Variants in PTPRE observed in about 807,000 individuals in gnomAD.
PTPRE encodes the protein receptor-type tyrosine-protein phosphatase epsilon.
Under a neutral mutation model 102.0 loss-of-function variants are expected in PTPRE, and 51 were observed. The observed-to-expected ratio is 0.50, with a 90% confidence interval of 0.40 to 0.63. The LOEUF (loss-of-function observed/expected upper bound fraction) is 0.63. Among genes scored for constraint, PTPRE ranks in the 30% least tolerant of loss-of-function variants. The pLI, the probability that PTPRE is intolerant of heterozygous loss-of-function variation, is 0.00. For synonymous variants in PTPRE, 345 were observed against 348.2 expected (o/e 0.99, Z 0.10); for missense variants, 752 against 915.1 (o/e 0.82, Z 2.30).
At chr10:127,999,805 G>A (rs1305354727) in intron 2 of PTPRE, 1 of 985,440 alleles carries the variant, frequency 1.0e-6, no homozygotes, top group African/African-American at 1.7e-5. Context: ...GCCTCAGAAG[G>A]AAAATTACAA....
intron 6 of PTPRE, among the ~76,000 whole-genome samples, chr10:128,050,663 T>C (rs1179185218): frequency 6.6e-6 from 1 of 152,256 alleles, no homozygotes; most frequent in Non-Finnish European, 1.5e-5. Flanking sequence ...TGCTAACTGG[T>C]CCTGGCTATG....
At chr10:128,034,322 A>ACCCCCCC (rs1215235204) in intron 2 of PTPRE, among the ~76,000 whole-genome samples, 1 of 144,550 alleles carries the variant, frequency 6.9e-6, no homozygotes, top group African/African-American at 2.6e-5. Flanking sequence ...TCCCCTCCAC[A>ACCCCCCC]CCACCCCCCC....
intron 1 of PTPRE, among the ~76,000 whole-genome samples, chr10:127,911,859 C>A (rs1014237015): frequency 1.6e-4 from 24 of 152,038 alleles, no homozygotes; most frequent in African/African-American, 5.8e-4. Flanking sequence ...GGATTAACTT[C>A]TCATTATTTT....
At chr10:127,986,355 A>G (rs916109471) in intron 2 of PTPRE, among the ~76,000 whole-genome samples, 12 of 152,222 alleles carry the variant, frequency 7.9e-5, no homozygotes, top group African/African-American at 2.9e-4. Flanking sequence ...CAGAATTAAG[A>G]ATTTATAAAA....
chr10:128,075,925 C>T (rs58134128), intron 17 of PTPRE, among the ~76,000 whole-genome samples: 37,338 of 151,990 alleles, frequency 0.25, 4,889 homozygotes, highest in East Asian at 0.4. Flanking sequence ...GAGCTCTTTA[C>T]GTAATCTTGA....
intron 2 of PTPRE, among the ~76,000 whole-genome samples, chr10:127,988,101 G>C (rs897011381): frequency 5.3e-5 from 8 of 152,224 alleles, no homozygotes; most frequent in Admixed American, 3.3e-4. Context: ...GAGTTACAGA[G>C]AGATTTCTCA....
intron 2 of PTPRE, among the ~76,000 whole-genome samples, chr10:128,011,402 G>C (rs1844994188): frequency 6.6e-6 from 1 of 152,240 alleles, no homozygotes; most frequent in African/African-American, 2.4e-5. Flanking sequence ...GATACTGGTT[G>C]AGGTGACTGG....
At chr10:128,054,890 C>G (rs907638584) in intron 6 of PTPRE, among the ~76,000 whole-genome samples, 3 of 152,130 alleles carry the variant, frequency 2.0e-5, no homozygotes, top group African/African-American at 7.2e-5. Flanking sequence ...CGGGACCCCT[C>G]ACATTCTCCT....
At chr10:128,048,313 G>T (rs1372225006) in intron 5 of PTPRE, among the ~76,000 whole-genome samples, 3 of 152,110 alleles carry the variant, frequency 2.0e-5, no homozygotes, top group African/African-American at 7.2e-5. Flanking sequence ...GTACAGTTTC[G>T]AACTTGTTGT....
chr10:127,952,255 A>C (rs182005015), intron 1 of PTPRE, among the ~76,000 whole-genome samples: 4 of 152,212 alleles, frequency 2.6e-5, no homozygotes, highest in Admixed American at 6.5e-5. Flanking sequence ...AAATCAGCTT[A>C]GGTCAGCAAA....
chr10:127,913,671 G>T (rs1213036419), intron 1 of PTPRE, among the ~76,000 whole-genome samples: 1 of 152,156 alleles, frequency 6.6e-6, no homozygotes, highest in African/African-American at 2.4e-5. Flanking sequence ...GCGCTCTGAG[G>T]GTCGGGAACG....
At chr10:127,913,868 A>G (rs1846031264) in intron 1 of PTPRE, among the ~76,000 whole-genome samples, 1 of 152,074 alleles carries the variant, frequency 6.6e-6, no homozygotes, top group African/African-American at 2.4e-5. Flanking sequence ...CCCCCACCTC[A>G]TCCACCAGCC....
intron 7 of PTPRE, among the ~76,000 whole-genome samples, chr10:128,060,108 CAT>C (rs1849423569): frequency 6.7e-6 from 1 of 149,240 alleles, no homozygotes; most frequent in Non-Finnish European, 1.5e-5. Context: ...ACACACTACA[CAT>C]ACACACCAAA....
At chr10:127,997,217 G>T (rs1189790310) in intron 2 of PTPRE, among the ~76,000 whole-genome samples, 1 of 152,250 alleles carries the variant, frequency 6.6e-6, no homozygotes, top group South Asian at 2.1e-4. Context: ...ATCAAACCCA[G>T]CTCTTAAGAG....
Position 128,063,204 on chromosome 10 carries a change from G to A in PTPRE, c.723+24G>A, listed in dbSNP as rs117560118. 7,855 of 1,612,798 alleles carry A rather than the reference G, an allele frequency of 4.9e-3. 80 individuals are homozygous for A. Among genetic ancestry groups the A allele is most frequent in the Middle Eastern group, 0.03 (183 of 6,046 alleles). On this transcript the variant is annotated intron_variant, in intron 10 of 20. Transcript: ENST00000254667. Reference sequence around the variant, plus strand: ...AGGTGAGTTCCAGGCATCTGGCCCCGGTATCACTTCCTTTCAGCTGCTGCT... The same window carrying A: ...AGGTGAGTTCCAGGCATCTGGCCCCAGTATCACTTCCTTTCAGCTGCTGCT...
intron 1 of PTPRE, among the ~76,000 whole-genome samples, chr10:127,930,985 G>T (rs946639697): frequency 6.6e-6 from 1 of 151,976 alleles, no homozygotes; most frequent in Non-Finnish European, 1.5e-5. Context: ...TAGGGACGGG[G>T]TTTCGCCATG....
chr10:128,063,878 G>T (rs1374726448), intron 10 of PTPRE, among the ~76,000 whole-genome samples: 1 of 152,166 alleles, frequency 6.6e-6, no homozygotes, highest in Non-Finnish European at 1.5e-5. Flanking sequence ...CATGCCATAG[G>T]CAGTGAGCTC....
At chr10:128,079,294 G>A (rs573183892) in intron 19 of PTPRE, among the ~76,000 whole-genome samples, 1 of 152,130 alleles carries the variant, frequency 6.6e-6, no homozygotes. Context: ...GGTGATACTT[G>A]CTTAAAAACT....
At chr10:127,925,623 G>T (rs1846946811) in intron 1 of PTPRE, among the ~76,000 whole-genome samples, 1 of 152,192 alleles carries the variant, frequency 6.6e-6, no homozygotes, top group Non-Finnish European at 1.5e-5. Context: ...GTAAGAATGT[G>T]GCCTGTGGTC....
Sources: gnomAD v4.1 joint callset for allele counts (sites outside exome capture counted in the v4.1 genomes callset) on GRCh38, gnomAD v4.1.1 for gene constraint, MANE v1.5 for transcripts, NCBI Gene and HGNC (gene_info 2026-07-23, HGNC 2026-07-21) for gene names.